LY96: variants seen among roughly 807,000 people sequenced by gnomAD.
LY96 encodes the protein myeloid differentiation protein-2.
In LY96, 18 loss-of-function variants were observed where a neutral mutation model predicts 18.9. The ratio of observed to expected loss-of-function variants is 0.95; its 90% confidence interval spans 0.66 to 1.41. LY96 has a LOEUF of 1.41. Among genes scored for constraint, LY96 ranks in the 40% most tolerant of loss-of-function variants. The probability of loss-of-function intolerance (pLI) is 0.00; values close to 1 mark genes in which losing one functional copy is unlikely to be tolerated. For missense variants in LY96, 175 were observed against 182.4 expected (o/e 0.96, Z 0.23); for synonymous variants, 66 against 62.6 (o/e 1.06, Z -0.26).
At chr8:74,000,286 C>A (rs1412639674) in intron 1 of LY96, among the ~76,000 whole-genome samples, 3 of 149,754 alleles carry the variant, frequency 2.0e-5, no homozygotes, top group African/African-American at 7.4e-5. Context: ...TAGAGTAGAT[C>A]CTTGCTCTTA....
the LY96 span, among the ~76,000 whole-genome samples, chr8:74,061,632 CA>C: frequency 6.6e-6 from 1 of 152,074 alleles, no homozygotes; most frequent in Non-Finnish European, 1.5e-5. Flanking sequence ...TGTCTCACCA[CA>C]AAAAGTGCTA....
At chr8:74,019,210 A>G (rs1816706844) in intron 3 of LY96, among the ~76,000 whole-genome samples, 1 of 152,224 alleles carries the variant, frequency 6.6e-6, no homozygotes, top group East Asian at 1.9e-4. Context: ...AGAATCAAAT[A>G]GACGCAATAA....
At chr8:74,009,374 C>CAAAAAAAAAAAAAAAAAAA (rs370593442) in intron 2 of LY96, among the ~76,000 whole-genome samples, 2 of 58,808 alleles carry the variant, frequency 3.4e-5, no homozygotes, top group Non-Finnish European at 7.3e-5. Flanking sequence ...CAGTCTTTCT[C>CAAAAAAAAAAAAAAAAAAA]AAAAAAAAAA....
At chr8:74,098,135 G>A in the LY96 span, among the ~76,000 whole-genome samples, 1 of 152,160 alleles carries the variant, frequency 6.6e-6, no homozygotes, top group South Asian at 2.1e-4. Flanking sequence ...TCTGTGATGT[G>A]AGAGTCAGAA....
the LY96 span, among the ~76,000 whole-genome samples, chr8:74,081,078 TC>T: frequency 0.028 from 2,877 of 102,636 alleles, 119 homozygotes; most frequent in African/African-American, 0.061. Context: ...CTTTCTTTCT[TC>T]TCTTTCTCTC....
rs745953914 is a variant in LY96, at chr8:74,028,971, G to A, written c.400G>A (p.Val134Ile). The change falls in exon 5 of 5, where the codon GTT (valine) becomes ATT (isoleucine). Residue 134 changes from valine to isoleucine, a missense_variant. Physicochemically the swap from Val to Ile is conservative, Grantham distance 29 (BLOSUM62 3). Transcript: ENST00000284818. ...IKFSKGKYKC[V>I]VEAISGSPEE... ...TTCATTTTAGGGAAAATACAAATGT[G>A]TTGTTGAAGCTATTTCTGGGAGCCC... 9.3e-6 allele frequency: 15 copies of A among 1,606,402 alleles called. No individual in the cohort carries two copies. In the African/African-American group the frequency reaches 1.9e-4, roughly 20 times the overall value.
the LY96 span, among the ~76,000 whole-genome samples, chr8:74,058,195 T>C: frequency 6.6e-6 from 1 of 152,054 alleles, no homozygotes; most frequent in Non-Finnish European, 1.5e-5. Context: ...AAAACTAAAA[T>C]ATTACAACAC....
Position 73,991,550 on chromosome 8 carries a change from C to A in LY96, c.108C>A (p.Tyr36Ter). Residue 36 changes from tyrosine to a stop codon, truncating the protein, a stop_gained, in exon 1 of 5, where the codon TAC (tyrosine) becomes TAA (stop). Coordinates refer to ENST00000284818, the MANE Select transcript of LY96 (RefSeq NM_015364.5). LOFTEE classifies it high-confidence loss of function. ...CCGATGCAAGTATTTCATACACCTA[C>A]TGTGGTAAGTAAAACCGCAAAACAA... is the stretch of plus-strand genomic sequence containing the variant. The part of the protein sequence containing the change: ...NSSDASISYT[Y>*]CDKMQYPISI... The A allele has an allele frequency of 6.3e-7, 1 of 1,579,654 alleles. No homozygotes were observed. The highest frequency in any genetic ancestry group is 8.7e-7 in the Non-Finnish European group (1 of 1,148,760).
chr8:74,061,834 T>A, the LY96 span, among the ~76,000 whole-genome samples: 1 of 152,222 alleles, frequency 6.6e-6, no homozygotes, highest in East Asian at 1.9e-4. Context: ...ATGTTCTACA[T>A]CTTTGCTAAC....
chr8:73,993,082 C>G (rs1217567870), intron 1 of LY96, among the ~76,000 whole-genome samples: 1 of 150,992 alleles, frequency 6.6e-6, no homozygotes, highest in Non-Finnish European at 1.5e-5. Flanking sequence ...AGGATGGTCT[C>G]AATGTCCTGA....
chr8:74,068,032 C>G, the LY96 span, among the ~76,000 whole-genome samples: 6,178 of 132,852 alleles, frequency 0.047, 363 homozygotes, highest in African/African-American at 0.13. Flanking sequence ...TTGCACTCCA[C>G]CCTGGGTGAC....
At chr8:74,034,715 T>G in the LY96 span, among the ~76,000 whole-genome samples, 319 of 152,332 alleles carry the variant, frequency 2.1e-3, no homozygotes, top group Admixed American at 7.1e-3. Context: ...GGCATCACAC[T>G]GGGTCCAATT....
chr8:74,005,413 C>T (rs1196519107), intron 2 of LY96, among the ~76,000 whole-genome samples: 3 of 152,170 alleles, frequency 2.0e-5, no homozygotes, highest in East Asian at 3.8e-4. Context: ...ACTAGGCTAG[C>T]CCATACTACT....
downstream of LY96, among the ~76,000 whole-genome samples, chr8:74,031,045 T>C (rs182125285): frequency 1.3e-5 from 2 of 152,314 alleles, no homozygotes; most frequent in East Asian, 3.9e-4. Context: ...TGAGGATTTC[T>C]GGCTGGGGCT....
chr8:74,036,068 G>C, the LY96 span, among the ~76,000 whole-genome samples: 890 of 152,290 alleles, frequency 5.8e-3, 36 homozygotes, highest in Admixed American at 0.053. Context: ...ACTCGTCTCA[G>C]GGATACTTTT....
At chr8:74,037,400 G>A in the LY96 span, among the ~76,000 whole-genome samples, 1 of 152,142 alleles carries the variant, frequency 6.6e-6, no homozygotes, top group Non-Finnish European at 1.5e-5. Flanking sequence ...AGGCTGAGGT[G>A]GGAGAATTGC....
chr8:74,097,363 C>T, the LY96 span, among the ~76,000 whole-genome samples: 2 of 152,102 alleles, frequency 1.3e-5, no homozygotes, highest in African/African-American at 4.8e-5. Context: ...AGCAACAGTA[C>T]CTGTATCTGT....
the LY96 span, among the ~76,000 whole-genome samples, chr8:74,081,087 C>CTCTTTCTTTCTCTCTTTCTTTCTT: frequency 2.2e-5 from 2 of 92,954 alleles, no homozygotes; most frequent in Non-Finnish European, 4.0e-5. Context: ...TTCTCTTTCT[C>CTCTTTCTTTCTCTCTTTCTTTCTT]TCTTTCTTTC....
At chr8:73,996,711 G>A (rs367942020) in intron 1 of LY96, among the ~76,000 whole-genome samples, 17 of 151,510 alleles carry the variant, frequency 1.1e-4, no homozygotes, top group African/African-American at 2.9e-4. Flanking sequence ...GAGCCACTGC[G>A]CCTGGTCCCG....
Sources: allele counts gnomAD v4.1 joint callset (sites outside exome capture counted in the v4.1 genomes callset), GRCh38; gene constraint gnomAD v4.1.1; transcripts MANE v1.5; gene names NCBI Gene and HGNC (gene_info 2026-07-23, HGNC 2026-07-21).